FIGN: variants seen among roughly 807,000 people sequenced by gnomAD.
FIGN encodes fidgetin.
FIGN carries 11 observed loss-of-function variants against 51.3 expected under a neutral mutation model. That is an observed-to-expected ratio of 0.21 (90% confidence interval 0.13 to 0.35). The LOEUF (loss-of-function observed/expected upper bound fraction) is 0.35, where lower values mean the gene tolerates loss of function less well. Among genes scored for constraint, FIGN ranks in the 10% least tolerant of loss-of-function variants. The pLI is 1.00. For synonymous variants in FIGN, 407 were observed against 363.2 expected, an observed-to-expected ratio of 1.12 and a Z score of -1.37; for missense variants, 857 against 943.6, an observed-to-expected ratio of 0.91 and a Z score of 1.20.
intron 2 of FIGN, among the ~76,000 whole-genome samples, chr2:163,661,218 T>C (rs1042947221): frequency 1.3e-5 from 2 of 150,930 alleles, no homozygotes; most frequent in African/African-American, 4.9e-5. Context: ...ATATTAACTT[T>C]AAAATGATTA....
At chr2:163,726,601 C>T (rs970838217) in intron 2 of FIGN, among the ~76,000 whole-genome samples, 1 of 152,022 alleles carries the variant, frequency 6.6e-6, no homozygotes, top group Non-Finnish European at 1.5e-5. Context: ...GATACATTTT[C>T]TAACTAACCC....
chr2:163,629,964 T>G (rs1225656098), intron 2 of FIGN, among the ~76,000 whole-genome samples: 1 of 129,732 alleles, frequency 7.7e-6, no homozygotes, highest in Non-Finnish European at 1.6e-5. Flanking sequence ...TTTTTTTTTT[T>G]TTTTTTTTTT....
At position 163,610,560 on chromosome 2, in the gene FIGN, C is replaced by G; in HGVS notation, c.1272G>C (p.Ser424=). The G allele has an allele frequency of 1.2e-6, 2 of 1,614,106 alleles. No individual in the cohort carries two copies. The highest frequency in any genetic ancestry group is 1.7e-6 in the Non-Finnish European group (2 of 1,180,032). The change falls in exon 3 of 3, where the codon TCG becomes TCC. Residue 424 remains serine, a synonymous_variant. Coordinates refer to ENST00000333129, the MANE Select transcript of FIGN (RefSeq NM_018086.4). The part of the protein sequence containing the change: ...RSSESFGKYT[S]PVMSEHGDEH... The stretch of plus-strand genomic sequence containing the variant: ...CGTCCCCATGCTCACTCATTACTGG[C>G]GATGTGTACTTCCCAAAGGATTCAC...
intron 2 of FIGN, among the ~76,000 whole-genome samples, chr2:163,719,999 G>A (rs777012410): frequency 6.6e-5 from 10 of 151,946 alleles, no homozygotes; most frequent in African/African-American, 1.2e-4. Context: ...CCTCTAAGTA[G>A]CCCAGTTGTC....
chr2:163,712,508 G>T (rs1684601926), intron 2 of FIGN, among the ~76,000 whole-genome samples: 1 of 152,124 alleles, frequency 6.6e-6, no homozygotes, highest in Non-Finnish European at 1.5e-5. Context: ...AGTACAAAAT[G>T]TAAGACATAT....
intron 2 of FIGN, among the ~76,000 whole-genome samples, chr2:163,731,443 A>G (rs1014196229): frequency 2.0e-5 from 3 of 152,114 alleles, no homozygotes; most frequent in Admixed American, 2.0e-4. Flanking sequence ...AAAGTAATTA[A>G]TGAAATTTCT....
intron 2 of FIGN, among the ~76,000 whole-genome samples, chr2:163,687,933 A>G (rs926059130): frequency 6.6e-5 from 10 of 152,238 alleles, no homozygotes; most frequent in Non-Finnish European, 1.2e-4. Flanking sequence ...GCCAGGAGTT[A>G]GTATACAGAT....
chr2:163,628,414 C>T (rs1254195286), intron 2 of FIGN, among the ~76,000 whole-genome samples: 1 of 152,030 alleles, frequency 6.6e-6, no homozygotes, highest in Non-Finnish European at 1.5e-5. Context: ...GGTTTGATAT[C>T]GTTAGAAGAT....
At position 163,610,217 on chromosome 2, in the gene FIGN, T is replaced by C; in HGVS notation, c.1615A>G (p.Ile539Val). The C allele has an allele frequency of 6.8e-6, 11 of 1,614,150 alleles. No individual in the cohort carries two copies. Among genetic ancestry groups the C allele is most frequent in the Non-Finnish European group, 9.3e-6 (11 of 1,180,022 alleles). Reference protein sequence around the residue: ...GTGKTLLGRCIASQLGATFFK... With the variant: ...GTGKTLLGRCVASQLGATFFK... ...AATGTGGCCCCCAGCTGACTAGCGA[T>C]GCATCTGCCCAATAATGTTTTGCCT... Residue 539 changes from isoleucine (I) to valine (V), a missense_variant, in exon 3 of 3, where the codon ATC becomes GTC. Ile to Val is a conservative substitution (Grantham distance 29, BLOSUM62 3). Coordinates refer to ENST00000333129, the MANE Select transcript of FIGN (RefSeq NM_018086.4).
chr2:163,646,119 T>C (rs1325004638), intron 2 of FIGN, among the ~76,000 whole-genome samples: 1 of 152,156 alleles, frequency 6.6e-6, no homozygotes, highest in Non-Finnish European at 1.5e-5. Flanking sequence ...TTATTTAAAT[T>C]TACTGTACTG....
intron 2 of FIGN, among the ~76,000 whole-genome samples, chr2:163,703,785 A>AC (rs1684447127): frequency 6.6e-6 from 1 of 152,012 alleles, no homozygotes; most frequent in African/African-American, 2.4e-5. Context: ...GGACTCAGCC[A>AC]CTCCAGCTAC....
intron 2 of FIGN, among the ~76,000 whole-genome samples, chr2:163,728,699 G>A (rs1279113547): frequency 6.6e-6 from 1 of 152,152 alleles, no homozygotes. Context: ...GGTGGCCCCA[G>A]ATAAAAGTCT....
At chr2:163,699,953 C>T (rs142347667) in intron 2 of FIGN, among the ~76,000 whole-genome samples, 1,558 of 152,140 alleles carry the variant, frequency 0.01, 10 homozygotes, top group Middle Eastern at 0.02. Flanking sequence ...AGTTTACCTG[C>T]ACTTAGGAAC....
intron 2 of FIGN, among the ~76,000 whole-genome samples, chr2:163,657,550 T>C (rs1026145143): frequency 3.4e-5 from 5 of 147,886 alleles, no homozygotes; most frequent in African/African-American, 1.3e-4. Flanking sequence ...ATGAGTATGT[T>C]TGGGTAGAGT....
At chr2:163,631,022 T>A (rs766558560) in intron 2 of FIGN, among the ~76,000 whole-genome samples, 2 of 152,206 alleles carry the variant, frequency 1.3e-5, no homozygotes, top group Non-Finnish European at 2.9e-5. Flanking sequence ...CTTTGGGTCT[T>A]ACTTTTTTCC....
At chr2:163,693,693 T>C (rs12622905) in intron 2 of FIGN, among the ~76,000 whole-genome samples, 151,934 of 152,310 alleles carry the variant, frequency 1, 75,788 homozygotes, top group Middle Eastern at 1. Context: ...AGAACACATA[T>C]GTGCTAGGGA....
intron 2 of FIGN, among the ~76,000 whole-genome samples, chr2:163,728,015 T>C (rs1684864957): frequency 6.6e-6 from 1 of 152,198 alleles, no homozygotes; most frequent in African/African-American, 2.4e-5. Context: ...AGTCCAGGAT[T>C]TGAATACAGC....
At chr2:163,692,647 A>G (rs565500683) in intron 2 of FIGN, among the ~76,000 whole-genome samples, 1 of 152,342 alleles carries the variant, frequency 6.6e-6, no homozygotes, top group Non-Finnish European at 1.5e-5. Flanking sequence ...ACAGACTTCT[A>G]TTAATGTTAA....
intron 2 of FIGN, among the ~76,000 whole-genome samples, chr2:163,700,177 GT>G (rs1684386929): frequency 6.6e-6 from 1 of 152,142 alleles, no homozygotes; most frequent in African/African-American, 2.4e-5. Context: ...ATTGTGATTA[GT>G]TATAACGCTG....
Sources: allele counts gnomAD v4.1 joint callset (sites outside exome capture counted in the v4.1 genomes callset), GRCh38; gene constraint gnomAD v4.1.1; transcripts MANE v1.5; gene names NCBI Gene and HGNC (gene_info 2026-07-23, HGNC 2026-07-21).